TTC27: variants seen among roughly 807,000 people sequenced by gnomAD.
TTC27 encodes the protein tetratricopeptide repeat protein 27.
A neutral mutation model predicts 115.9 loss-of-function variants in TTC27; 79 were observed. The ratio of observed to expected loss-of-function variants is 0.68; its 90% confidence interval spans 0.57 to 0.82. The LOEUF is 0.82. TTC27 is among the 40% of genes least tolerant of loss of function. The probability of loss-of-function intolerance (pLI) is 0.00; values close to 1 mark genes in which losing one functional copy is unlikely to be tolerated. For synonymous variants in TTC27, 401 were observed against 356.0 expected (o/e 1.13, Z -1.42); for missense variants, 1,054 against 993.1 (o/e 1.06, Z -0.82).
At position 32,698,379 on chromosome 2, in the gene TTC27, A is replaced by C. The variant is rs1332879697; in HGVS notation, c.1120-4428A>C. Among the ~76,000 whole-genome samples, 2 of 151,432 alleles carry C rather than the reference A, an allele frequency of 1.3e-5. 1 individual carries two copies. Among genetic ancestry groups the C allele is most frequent in the Non-Finnish European group, 2.9e-5 (2 of 67,898 alleles). On this transcript the variant is annotated intron_variant, in intron 9 of 19. Coordinates refer to ENST00000317907, the MANE Select transcript of TTC27 (RefSeq NM_017735.5). ...ACTCCTGGTCTCAAGTGATTCTCCCACTTCAGCCTCCCGAAGTGCTGGGAT... is the reference window on the plus strand; with the variant it reads ...ACTCCTGGTCTCAAGTGATTCTCCCCCTTCAGCCTCCCGAAGTGCTGGGAT...
intron 18 of TTC27, 121 bp from the exon 19 acceptor site, chr2:32,817,336 C>G: frequency 2.8e-6 from 2 of 707,036 alleles, no homozygotes. Flanking sequence ...AAAAACTTTC[C>G]AGGTAGAAGT....
intron 12 of TTC27, among the ~76,000 whole-genome samples, chr2:32,755,952 A>G (rs1020260998): frequency 7.2e-5 from 11 of 152,200 alleles, no homozygotes; most frequent in Admixed American, 1.3e-4. Context: ...GTTACTACAC[A>G]TGATAACTTA....
At chr2:32,652,673 C>G (rs573270170) in intron 5 of TTC27, among the ~76,000 whole-genome samples, 12 of 152,188 alleles carry the variant, frequency 7.9e-5, no homozygotes, top group African/African-American at 2.4e-4. Flanking sequence ...TTGGCTAGGT[C>G]TAAATAGATT....
chr2:32,696,827 C>A (rs2151897812), intron 9 of TTC27, among the ~76,000 whole-genome samples: 1 of 152,304 alleles, frequency 6.6e-6, no homozygotes, highest in Non-Finnish European at 1.5e-5. Context: ...AAAGTATCTT[C>A]TACAGAATAT....
At chr2:32,682,964 C>T (rs1029248544) in intron 9 of TTC27, among the ~76,000 whole-genome samples, 5 of 146,682 alleles carry the variant, frequency 3.4e-5, no homozygotes, top group Middle Eastern at 3.4e-3. Context: ...TGCCATTCTC[C>T]TGCCTCAGCC....
chr2:32,736,415 AT>A (rs1400553947), intron 11 of TTC27, among the ~76,000 whole-genome samples: 1 of 152,048 alleles, frequency 6.6e-6, no homozygotes, highest in Non-Finnish European at 1.5e-5. Context: ...AGAAATATTT[AT>A]TTTTGCTTTT....
In TTC27 at chr2:32,810,981, T is replaced by G. The variant is rs775532520; in HGVS notation, c.1999-43T>G. 5.0e-6 allele frequency: 8 copies of G among 1,594,876 alleles called. No homozygotes were observed. In the South Asian group the frequency reaches 8.9e-5, roughly 18 times the overall value. The stretch of plus-strand genomic sequence containing the variant: ...GATAGCTCTTTGTTTTTGTTATTGT[T>G]TGTTGGTTTCTAACTTACCAGTTTG... On this transcript the variant is annotated intron_variant, in intron 16 of 19. Transcript: ENST00000317907.
At chr2:32,781,876 C>G (rs1207799520) in intron 14 of TTC27, among the ~76,000 whole-genome samples, 2 of 152,218 alleles carry the variant, frequency 1.3e-5, no homozygotes, top group African/African-American at 4.8e-5. Context: ...CCTCCAAAAT[C>G]TCCATTCAGC....
chr2:32,667,218 T>C (rs1458442131), intron 7 of TTC27, among the ~76,000 whole-genome samples: 2 of 152,120 alleles, frequency 1.3e-5, no homozygotes, highest in African/African-American at 4.8e-5. Flanking sequence ...AGTTTTGTGA[T>C]CGGCCTTTTG....
At position 32,628,135 on chromosome 2, in the gene TTC27, T is replaced by G. The variant is rs530709846; in HGVS notation, c.-158T>G. Reference sequence around the variant, plus strand: ...TGCTGTTATGGCCGCCTCCTTGAGGTAGTATCCGCACATGGAATTCTAGGG... The same window carrying G: ...TGCTGTTATGGCCGCCTCCTTGAGGGAGTATCCGCACATGGAATTCTAGGG... On this transcript the variant is annotated 5_prime_UTR_variant, in exon 1 of 20. The change abolishes the stop of an existing upstream ORF in the 5' untranslated region. Transcript: ENST00000317907. 92 of 665,320 alleles carry G rather than the reference T, an allele frequency of 1.4e-4. No homozygotes were observed. In the African/African-American group the frequency reaches 1.6e-3, roughly 11 times the overall value. The allele number at this position is 665,320 out of a possible 1,614,324, so 41.2% of individuals were successfully genotyped here. A position where few individuals can be genotyped will look rare whatever the true frequency, so the allele number is the denominator to read the frequency against.
chr2:32,694,679 T>C (rs1335918089), intron 9 of TTC27, among the ~76,000 whole-genome samples: 2 of 151,392 alleles, frequency 1.3e-5, no homozygotes, highest in African/African-American at 2.4e-5. Flanking sequence ...TATTTCTTTT[T>C]TTTTTTTTTT....
chr2:32,698,578 C>T (rs1472528380), intron 9 of TTC27, among the ~76,000 whole-genome samples: 2 of 150,128 alleles, frequency 1.3e-5, no homozygotes, highest in Non-Finnish European at 3.0e-5. Flanking sequence ...CTCCCGGGTT[C>T]ACGCCATTCT....
intron 16 of TTC27, among the ~76,000 whole-genome samples, chr2:32,807,626 TA>T (rs1671175177): frequency 6.6e-6 from 1 of 152,194 alleles, no homozygotes. Context: ...ATACTATGAT[TA>T]TGGGGGGTTT....
intron 4 of TTC27, among the ~76,000 whole-genome samples, chr2:32,640,740 T>A (rs1664614083): frequency 6.6e-6 from 1 of 152,180 alleles, no homozygotes; most frequent in Non-Finnish European, 1.5e-5. Flanking sequence ...CCCAGCACTT[T>A]GAGAGGCTGA....
At chr2:32,673,594 G>A (rs1001477890) in intron 8 of TTC27, among the ~76,000 whole-genome samples, 2 of 152,178 alleles carry the variant, frequency 1.3e-5, no homozygotes, top group African/African-American at 4.8e-5. Context: ...ATCCTAGCAG[G>A]TAGAATATGA....
intron 10 of TTC27, among the ~76,000 whole-genome samples, chr2:32,704,652 G>A (rs1667305146): frequency 6.6e-6 from 1 of 152,156 alleles, no homozygotes; most frequent in Non-Finnish European, 1.5e-5. Flanking sequence ...GCATTTCACT[G>A]TCATGTCCTC....
Position 32,811,122 on chromosome 2 carries a change from C to T in TTC27, c.2097C>T (p.Gly699=), listed in dbSNP as rs747121114. ...GLKGKLQELF[G]RVTSRVTNDG... ...AAGGAAAGCTGCAGGAGTTATTTGG[C>T]AGAGTGACTTCAAGAGTGACAAATG... The change falls in exon 17 of 20, where the codon GGC becomes GGT. Residue 699 remains glycine (G), a synonymous_variant. Transcript: ENST00000317907. 6.2e-7 allele frequency: 1 copy of T among 1,614,152 alleles called. No individual in the cohort carries two copies.
chr2:32,718,781 G>T (rs1184223550), intron 10 of TTC27, among the ~76,000 whole-genome samples: 2 of 152,156 alleles, frequency 1.3e-5, no homozygotes, highest in African/African-American at 4.8e-5. Flanking sequence ...CTTCTGTAGG[G>T]TTGGCATGGG....
At chr2:32,688,206 C>T (rs1264634667) in intron 9 of TTC27, among the ~76,000 whole-genome samples, 1 of 151,880 alleles carries the variant, frequency 6.6e-6, no homozygotes, top group East Asian at 1.9e-4. Flanking sequence ...GTTTGTAAAC[C>T]AAACAATTAA....
Sources: allele counts gnomAD v4.1 joint callset (sites outside exome capture counted in the v4.1 genomes callset), GRCh38; gene constraint gnomAD v4.1.1; transcripts MANE v1.5; gene names NCBI Gene and HGNC (gene_info 2026-07-23, HGNC 2026-07-21).